TSPAN3: variants seen among roughly 807,000 people sequenced by gnomAD.
TSPAN3 encodes tetraspanin-3.
In TSPAN3, 9 loss-of-function variants were observed where a neutral mutation model predicts 31.1. The ratio of observed to expected loss-of-function variants is 0.29; its 90% confidence interval spans 0.17 to 0.50. The LOEUF is 0.50. Ranked by LOEUF, TSPAN3 falls within the 20% of genes least tolerant of loss-of-function variation. The pLI is 0.98. For missense variants in TSPAN3, 252 were observed against 313.5 expected (o/e 0.80, Z 1.48); for synonymous variants, 129 against 114.3 (o/e 1.13, Z -0.82).
At chr15:77,063,886 C>T (rs190902613) in intron 1 of TSPAN3, 5 of 152,294 alleles carry the variant, frequency 3.3e-5, no homozygotes, top group African/African-American at 7.2e-5. Context: ...TTTAAATATG[C>T]ATTTTCTTTG....
chr15:77,070,856 C>T, intron 1 of TSPAN3, 36 bp downstream of exon 1: 3 of 1,259,828 alleles, frequency 2.4e-6, no homozygotes, highest in Non-Finnish European at 3.0e-6. Context: ...CGCCCGGCCC[C>T]GCCGCCGGCC....
Position 77,070,974 on chromosome 15 carries a change from G to A in TSPAN3, c.-20C>T, listed in dbSNP as rs1387773691. ...GCCCATGGCGCCGGTGGCCCGCGAA[G>A]GCCCGGCCCGGAGAGCGGGGCTGCG... is the stretch of plus-strand genomic sequence containing the variant. On this transcript the variant is annotated 5_prime_UTR_variant, in exon 1 of 7. Coordinates refer to ENST00000267970, the MANE Select transcript of TSPAN3 (RefSeq NM_005724.6). 4 of 1,417,264 alleles carry A rather than the reference G, an allele frequency of 2.8e-6. No individual in the cohort carries two copies. Among genetic ancestry groups the A allele is most frequent in the East Asian group, 3.1e-5 (1 of 31,764 alleles). 87.8% of individuals were successfully genotyped at this position (1,417,264 alleles called of 1,614,324 possible).
intron 1 of TSPAN3, among the ~76,000 whole-genome samples, chr15:77,066,203 G>A (rs539367222): frequency 1.9e-4 from 29 of 152,278 alleles, no homozygotes; most frequent in African/African-American, 7.0e-4. Context: ...CAGATTAAAT[G>A]ACTTACCAAA....
chr15:77,055,653 T>A, intron 3 of TSPAN3, 136 bp downstream of exon 3: 1 of 669,948 alleles, frequency 1.5e-6, no homozygotes, highest in Non-Finnish European at 2.5e-6. Flanking sequence ...CCAATTAACT[T>A]TAGATATTTG....
rs1283865950 is a variant in TSPAN3, at chr15:77,042,697, T to G, written c.*4138A>C. The G allele has an allele frequency of 6.6e-6, 1 of 152,086 alleles. No homozygotes were observed. Among genetic ancestry groups the G allele is most frequent in the Non-Finnish European group, 1.5e-5 (1 of 68,016 alleles). The allele number at this position is 152,086 out of a possible 1,614,324, so 9.4% of individuals were successfully genotyped here. ...AGTGCTGGGCTGCAGAAACGTCGCT[T>G]GGCAGTCATCATAAAGATTGAATCA... On this transcript the variant is annotated 3_prime_UTR_variant, in exon 7 of 7. Coordinates refer to ENST00000267970, the MANE Select transcript of TSPAN3 (RefSeq NM_005724.6).
rs2076668107 is a variant in TSPAN3 at position 77,042,941 on chromosome 15, C to T, written c.*3894G>A. ...AACTCCAAATTTCCCTGACCTTGCCCTTCCTTGTCACACTGAAGAGGGGGC... is the reference window on the plus strand; with the variant it reads ...AACTCCAAATTTCCCTGACCTTGCCTTTCCTTGTCACACTGAAGAGGGGGC... On this transcript the variant is annotated 3_prime_UTR_variant, in exon 7 of 7. Coordinates refer to ENST00000267970, the MANE Select transcript of TSPAN3 (RefSeq NM_005724.6). The T allele has an allele frequency of 6.6e-6, 1 of 152,226 alleles. No homozygotes were observed. The highest frequency in any genetic ancestry group is 2.1e-4 in the South Asian group (1 of 4,830). The allele number at this position is 152,226 out of a possible 1,614,324, so 9.4% of individuals were successfully genotyped here. A position where few individuals can be genotyped will look rare whatever the true frequency, so the allele number is the denominator to read the frequency against.
At chr15:77,066,078 T>G (rs1287391948) in intron 1 of TSPAN3, among the ~76,000 whole-genome samples, 1 of 152,098 alleles carries the variant, frequency 6.6e-6, no homozygotes, top group Non-Finnish European at 1.5e-5. Flanking sequence ...AAAAAAAAAG[T>G]AAAGGTAATT....
In TSPAN3 at chr15:77,042,953, A is replaced by G. The variant is rs1007471571; in HGVS notation, c.*3882T>C. ...CCCTGACCTTGCCCTTCCTTGTCAC[A>G]CTGAAGAGGGGGCTCTGAAAACTCC... On this transcript the variant is annotated 3_prime_UTR_variant, in exon 7 of 7. Coordinates refer to ENST00000267970, the MANE Select transcript of TSPAN3 (RefSeq NM_005724.6). 7.2e-5 allele frequency: 11 copies of G among 152,122 alleles called. No individual in the cohort carries two copies. The highest frequency in any genetic ancestry group is 1.0e-4 in the Non-Finnish European group (7 of 68,064). 9.4% of individuals were successfully genotyped at this position (152,122 alleles called of 1,614,324 possible). A position where few individuals can be genotyped will look rare whatever the true frequency, so the allele number is the denominator to read the frequency against.
intron 1 of TSPAN3, chr15:77,064,443 A>G (rs1408447803): frequency 6.6e-6 from 1 of 152,242 alleles, no homozygotes; most frequent in Non-Finnish European, 1.5e-5. Context: ...AAAAAAAATC[A>G]AACAAGCCTA....
chr15:77,068,803 A>G (rs1300180721), intron 1 of TSPAN3, among the ~76,000 whole-genome samples: 2 of 152,176 alleles, frequency 1.3e-5, no homozygotes, highest in African/African-American at 4.8e-5. Flanking sequence ...ATGTCCCTGT[A>G]AAGGACATGA....
At chr15:77,062,316 C>T (rs2076805517) in intron 1 of TSPAN3, among the ~76,000 whole-genome samples, 1 of 152,212 alleles carries the variant, frequency 6.6e-6, no homozygotes, top group African/African-American at 2.4e-5. Context: ...ACCATGCTTT[C>T]ACCTCTGACT....
chr15:77,052,026 AG>A (rs894504741), intron 6 of TSPAN3, among the ~76,000 whole-genome samples: 8 of 152,382 alleles, frequency 5.2e-5, no homozygotes, highest in Admixed American at 5.2e-4. Context: ...ACTGAAAGAA[AG>A]AAGTACAATT....
rs773077958 is a variant in TSPAN3 at position 77,055,756 on chromosome 15, A to G, written c.330+33T>C. On this transcript the variant is annotated intron_variant, in intron 3 of 6. Transcript: ENST00000267970. ...ACTTGAAACACTTAAACCACCTTTT[A>G]AGGCATTATGTGAATTACAGTAGAC... 9.8e-6 allele frequency: 15 copies of G among 1,534,734 alleles called. No homozygotes were observed. In the African/African-American group the frequency reaches 1.5e-4, roughly 16 times the overall value.
At chr15:77,054,445 T>G in intron 3 of TSPAN3, 166 bp from the exon 4 acceptor site, 1 of 517,040 alleles carries the variant, frequency 1.9e-6, no homozygotes, top group Non-Finnish European at 3.5e-6. Flanking sequence ...TAGATATAGA[T>G]GAAGGCAGGA....
intron 3 of TSPAN3, chr15:77,055,021 A>G (rs986400597): frequency 6.6e-6 from 1 of 151,770 alleles, no homozygotes; most frequent in Non-Finnish European, 1.5e-5. Context: ...TAGGGACATA[A>G]TCCATTGCAT....
chr15:77,060,522 A>G (rs1045384092), intron 1 of TSPAN3, among the ~76,000 whole-genome samples: 4 of 152,232 alleles, frequency 2.6e-5, no homozygotes, highest in Non-Finnish European at 4.4e-5. Context: ...GAGAGGTTCT[A>G]AGAAATTCCT....
chr15:77,055,979 T>C (rs533831329), intron 2 of TSPAN3, 85 bp downstream of exon 2: 47 of 1,523,220 alleles, frequency 3.1e-5, no homozygotes, highest in Non-Finnish European at 3.9e-5. Context: ...TTAACTCTGT[T>C]CCAACTATAA....
chr15:77,065,967 T>C (rs958742737), intron 1 of TSPAN3, among the ~76,000 whole-genome samples: 1 of 152,194 alleles, frequency 6.6e-6, no homozygotes, highest in Non-Finnish European at 1.5e-5. Flanking sequence ...AGATTATAAA[T>C]TCTATAAGCA....
intron 4 of TSPAN3, among the ~76,000 whole-genome samples, chr15:77,053,509 A>G (rs932550927): frequency 1.2e-4 from 17 of 138,400 alleles, no homozygotes; most frequent in East Asian, 6.6e-4. Flanking sequence ...AGAAAAGTAC[A>G]TTGCCTATAA....
Sources: gnomAD v4.1 joint callset for allele counts (sites outside exome capture counted in the v4.1 genomes callset) on GRCh38, gnomAD v4.1.1 for gene constraint, MANE v1.5 for transcripts, NCBI Gene and HGNC (gene_info 2026-07-23, HGNC 2026-07-21) for gene names.